The following ZNF587 variants were observed in gnomAD, a reference collection of about 807,000 sequenced individuals.
ZNF587 encodes the protein zinc finger protein 587, also known as zinc finger protein zfp6.
Under a neutral mutation model 7.5 loss-of-function variants are expected in ZNF587, and 8 were observed. That is an observed-to-expected ratio of 1.06 (90% CI 0.62 to 1.92). ZNF587 has a LOEUF of 1.92. Ranked by LOEUF, ZNF587 falls within the 40% of genes most tolerant of loss-of-function variation. The pLI, the probability that ZNF587 is intolerant of heterozygous loss-of-function variation, is 0.00. For synonymous variants in ZNF587, 145 were observed against 237.8 expected, an observed-to-expected ratio of 0.61 and a Z score of 3.59; for missense variants, 468 against 692.8, an observed-to-expected ratio of 0.68 and a Z score of 3.64.
Position 57,850,082 on chromosome 19 carries a change from T to C in ZNF587, c.33+11T>C, listed in dbSNP as rs28369370. ...AGGCGCCCAACTCAGGTAATTGTGG[T>C]GCCTTCTGTGCCCTCAGGTCACCCC... On this transcript the variant is annotated intron_variant, in intron 1 of 2. Coordinates refer to ENST00000339656, the MANE Select transcript of ZNF587 (RefSeq NM_032828.4). 2,708 of 1,614,066 alleles carry C rather than the reference T, an allele frequency of 1.7e-3. 17 individuals carry two copies. Among genetic ancestry groups the C allele is most frequent in the African/African-American group, 0.012 (894 of 75,044 alleles).
At position 57,859,888 on chromosome 19, in the gene ZNF587, T is replaced by A. The variant is rs1324267091; in HGVS notation, c.1476T>A (p.Tyr492Ter). The A allele has an allele frequency of 6.2e-7, 1 of 1,614,230 alleles. No individual in the cohort carries two copies. The highest frequency in any genetic ancestry group is 1.7e-5 in the Admixed American group (1 of 60,030). Residue 492 changes from tyrosine (Y) to a stop codon, truncating the protein, a stop_gained, in exon 3 of 3, where the codon TAT becomes TAA. Coordinates refer to ENST00000339656, the MANE Select transcript of ZNF587 (RefSeq NM_032828.4). LOFTEE classifies it low-confidence loss of function (END_TRUNC). ...GGATTCACACTGGAGAAAGGCCGTA[T>A]GAATGCAGTGAATGTGGGAAATCAT... ...HQRIHTGERP[Y>*]ECSECGKSFL...
At chr19:57,852,007 T>C (rs1014915236) in intron 1 of ZNF587, 25 of 244,072 alleles carry the variant, frequency 1.0e-4, no homozygotes, top group African/African-American at 1.8e-4. Flanking sequence ...ATGTCTGCCT[T>C]TCCCCTCAGG....
At chr19:57,857,925 C>T (rs138527438) in intron 2 of ZNF587, among the ~76,000 whole-genome samples, 1,635 of 151,814 alleles carry the variant, frequency 0.011, 54 homozygotes, top group East Asian at 0.063. Context: ...AGTGAGCCAC[C>T]GTGCCCGGCC....
At chr19:57,854,399 GT>G (rs1239394720) in intron 1 of ZNF587, among the ~76,000 whole-genome samples, 3 of 152,054 alleles carry the variant, frequency 2.0e-5, no homozygotes, top group African/African-American at 7.3e-5. Flanking sequence ...GAAATTCTGT[GT>G]TAATATTGGA....
chr19:57,855,467 T>G (rs1423705259), intron 1 of ZNF587, among the ~76,000 whole-genome samples: 10 of 152,090 alleles, frequency 6.6e-5, no homozygotes, highest in Admixed American at 1.3e-4. Flanking sequence ...ATGATATATA[T>G]TTAATGAGAG....
intron 1 of ZNF587, among the ~76,000 whole-genome samples, chr19:57,855,545 AG>A (rs1347354055): frequency 4.0e-5 from 6 of 148,428 alleles, no homozygotes; most frequent in Non-Finnish European, 7.4e-5. Flanking sequence ...GCTGTTCAGA[AG>A]GGGGTGTGGG....
chr19:57,858,553 G>A, intron 2 of ZNF587, 23 bp from the exon 3 acceptor site: 3 of 1,602,152 alleles, frequency 1.9e-6, no homozygotes, highest in Non-Finnish European at 2.6e-6. Context: ...CTTTGCACTT[G>A]ACCAGCATTT....
chr19:57,858,328 T>C (rs992734951), intron 2 of ZNF587: 31 of 603,644 alleles, frequency 5.1e-5, no homozygotes, highest in Non-Finnish European at 7.8e-5. Flanking sequence ...GGTTTCACCA[T>C]GTTGTTCATG....
chr19:57,851,332 A>T (rs2071277802), intron 1 of ZNF587: 2 of 152,252 alleles, frequency 1.3e-5, no homozygotes, highest in South Asian at 4.1e-4. Context: ...TCTTTTCAGG[A>T]AAGGGCTATT....
At position 57,864,943 on chromosome 19, in the gene ZNF587, T is replaced by A. The variant is rs867953136; in HGVS notation, c.*4803T>A. ...TCCTGCCTCAAAAAAAACAAAAAAA[T>A]TCTTTATTTTCTCCATAAACTACAG... On this transcript the variant is annotated 3_prime_UTR_variant, in exon 3 of 3. Transcript: ENST00000339656. The A allele has an allele frequency of 4.6e-5, 7 of 152,088 alleles. No individual in the cohort carries two copies. The highest frequency in any genetic ancestry group is 4.4e-5 in the Non-Finnish European group (3 of 68,032). 9.4% of individuals were successfully genotyped at this position (152,088 alleles called of 1,614,324 possible).
In ZNF587 at chr19:57,858,571, T is replaced by C. The variant is rs201508578; in HGVS notation, c.164-5T>C. 5.7e-4 allele frequency: 911 copies of C among 1,603,678 alleles called. 3 individuals are homozygous for C. The highest frequency in any genetic ancestry group is 1.7e-3 in the African/African-American group (126 of 74,190). On this transcript the variant is annotated splice_polypyrimidine_tract_variant and splice_region_variant and intron_variant, in intron 2 of 2. Coordinates refer to ENST00000339656, the MANE Select transcript of ZNF587 (RefSeq NM_032828.4). ...TGCACTTGACCAGCATTTTCTTGCT[T>C]TCAGGTTGTTGGTGTGGATCAAAAG... is the stretch of plus-strand genomic sequence containing the variant.
intron 1 of ZNF587, among the ~76,000 whole-genome samples, chr19:57,855,491 T>G (rs2071340706): frequency 6.6e-6 from 1 of 151,930 alleles, no homozygotes; most frequent in South Asian, 2.1e-4. Flanking sequence ...GGTTGTCTGA[T>G]GGACTCAGGC....
intron 1 of ZNF587, 95 bp downstream of exon 1, chr19:57,850,166 G>A: frequency 8.1e-6 from 13 of 1,610,032 alleles, no homozygotes; most frequent in Admixed American, 1.7e-5. Flanking sequence ...GTCTGTAGCC[G>A]GTACCCGGCG....
chr19:57,856,067 G>C, intron 1 of ZNF587, 37 bp from the exon 2 acceptor site: 3 of 1,612,002 alleles, frequency 1.9e-6, no homozygotes, highest in Non-Finnish European at 2.5e-6. Flanking sequence ...TACCTCAGCA[G>C]AGGGGCTGCT....
At chr19:57,851,992 T>C (rs1600117750) in intron 1 of ZNF587, 2 of 214,990 alleles carry the variant, frequency 9.3e-6, no homozygotes, top group East Asian at 9.5e-5. Flanking sequence ...TGTGACATGT[T>C]TGTAATGTCT....
rs1232817312 is a variant in ZNF587, at chr19:57,862,754, G to GGGACATTA, written c.*2621_*2622insAGGACATT. On this transcript the variant is annotated 3_prime_UTR_variant, in exon 3 of 3. Coordinates refer to ENST00000339656, the MANE Select transcript of ZNF587 (RefSeq NM_032828.4). Reference sequence around the variant, plus strand: ...GGGACACTGATACTGACAGGGAGATGGGACATTCTGAGGGACCCGGAGGCA... The same window carrying GGGACATTA: ...GGGACACTGATACTGACAGGGAGATGGGACATTAGGACATTCTGAGGGACCCGGAGGCA... 1 of 154,930 alleles carries GGGACATTA rather than the reference G, an allele frequency of 6.5e-6. No homozygotes were observed. The highest frequency in any genetic ancestry group is 1.5e-5 in the Non-Finnish European group (1 of 68,218). 9.6% of individuals were successfully genotyped at this position (154,930 alleles called of 1,614,324 possible).
chr19:57,852,400 G>C (rs868471467), intron 1 of ZNF587: 234 of 398,734 alleles, frequency 5.9e-4, no homozygotes, highest in Middle Eastern at 3.8e-3. Flanking sequence ...TGTGGGTTGA[G>C]GGAAGAGGAA....
chr19:57,862,949 T>A lies in ZNF587; in HGVS notation c.*2809T>A, dbSNP rs767923956. On this transcript the variant is annotated 3_prime_UTR_variant, in exon 3 of 3. Coordinates refer to ENST00000339656, the MANE Select transcript of ZNF587 (RefSeq NM_032828.4). ...TGAAGACAGTTTCAAGCAAAGTTATTGAGTGGACACTTTGTGTTTTTTTTG... is the reference window on the plus strand; with the variant it reads ...TGAAGACAGTTTCAAGCAAAGTTATAGAGTGGACACTTTGTGTTTTTTTTG... 2.6e-5 allele frequency: 4 copies of A among 154,858 alleles called. No individual in the cohort carries two copies. The highest frequency in any genetic ancestry group is 5.9e-5 in the Non-Finnish European group (4 of 68,250). The allele number at this position is 154,858 out of a possible 1,614,324, so 9.6% of individuals were successfully genotyped here.
chr19:57,852,587 C>T (rs11878564), intron 1 of ZNF587, among the ~76,000 whole-genome samples: 3,279 of 142,656 alleles, frequency 0.023, 131 homozygotes, highest in African/African-American at 0.09. Flanking sequence ...AGTGCAATGG[C>T]GCAATCTTGG....
Sources: allele counts gnomAD v4.1 joint callset (sites outside exome capture counted in the v4.1 genomes callset), GRCh38; gene constraint gnomAD v4.1.1; transcripts MANE v1.5; gene names NCBI Gene and HGNC (gene_info 2026-07-23, HGNC 2026-07-21).